ALG6: variants seen among roughly 807,000 people sequenced by gnomAD.
ALG6 encodes dolichyl pyrophosphate Man9GlcNAc2 alpha-1,3-glucosyltransferase.
Under a neutral mutation model 66.6 loss-of-function variants are expected in ALG6, and 46 were observed. The observed-to-expected ratio is 0.69, with a 90% confidence interval of 0.55 to 0.88. The LOEUF (loss-of-function observed/expected upper bound fraction) is 0.88, where lower values mean the gene tolerates loss of function less well. Ranked by LOEUF, ALG6 falls within the 40% of genes least tolerant of loss-of-function variation. The pLI is 0.00. For missense variants in ALG6, 505 were observed against 586.8 expected (o/e 0.86, Z 1.44); for synonymous variants, 185 against 203.7 (o/e 0.91, Z 0.78).
intron 10 of ALG6, 34 bp from the exon 11 acceptor site, chr1:63,415,839 G>A (rs1041108536): frequency 7.1e-7 from 1 of 1,411,944 alleles, no homozygotes. Flanking sequence ...CCTCTACAAA[G>A]AAGACAAATA....
intron 3 of ALG6, among the ~76,000 whole-genome samples, chr1:63,400,179 A>ACT (rs1644440114): frequency 8.4e-6 from 1 of 118,522 alleles, no homozygotes; most frequent in African/African-American, 3.4e-5. Flanking sequence ...GGGCAACAAG[A>ACT]GCAAAACTCT....
At chr1:63,409,027 AC>A (rs1644503770) in intron 7 of ALG6, among the ~76,000 whole-genome samples, 2 of 152,050 alleles carry the variant, frequency 1.3e-5, no homozygotes, top group South Asian at 4.1e-4. Context: ...TGATCCACCC[AC>A]CTTGGCCTCC....
chr1:63,435,974 C>T (rs1644676724), intron 14 of ALG6, among the ~76,000 whole-genome samples: 1 of 152,118 alleles, frequency 6.6e-6, no homozygotes, highest in South Asian at 2.1e-4. Flanking sequence ...GCCAGTGTGA[C>T]TTTGTGATTT....
chr1:63,394,870 CT>C (rs754695008), intron 2 of ALG6, among the ~76,000 whole-genome samples: 373 of 139,294 alleles, frequency 2.7e-3, no homozygotes, highest in Middle Eastern at 3.8e-3. Flanking sequence ...TATTTCTTTT[CT>C]TTTTTTTTTT....
intron 3 of ALG6, among the ~76,000 whole-genome samples, chr1:63,401,961 C>T (rs1369923216): frequency 2.6e-5 from 4 of 152,044 alleles, no homozygotes; most frequent in East Asian, 1.9e-4. Flanking sequence ...ACGAGGCTCT[C>T]GTTACATGTT....
chr1:63,369,881 C>T (rs1024161342), intron 1 of ALG6, among the ~76,000 whole-genome samples: 4 of 151,588 alleles, frequency 2.6e-5, no homozygotes, highest in Non-Finnish European at 5.9e-5. Flanking sequence ...TGCAATGGTG[C>T]GATCTCGGCT....
chr1:63,378,954 T>G (rs1470472468), intron 2 of ALG6, among the ~76,000 whole-genome samples: 1 of 152,000 alleles, frequency 6.6e-6, no homozygotes, highest in Non-Finnish European at 1.5e-5. Context: ...TTTTTAGATC[T>G]TGATCATTTC....
At chr1:63,385,184 C>CTTTTTTTTT (rs1165046824) in intron 2 of ALG6, among the ~76,000 whole-genome samples, 3 of 58,954 alleles carry the variant, frequency 5.1e-5, no homozygotes, top group East Asian at 5.5e-4. Flanking sequence ...TTTACTTCTT[C>CTTTTTTTTT]TTTTTTTTTT....
intron 5 of ALG6, among the ~76,000 whole-genome samples, chr1:63,405,544 G>C (rs1299530736): frequency 6.6e-6 from 1 of 152,072 alleles, no homozygotes; most frequent in Non-Finnish European, 1.5e-5. Flanking sequence ...CTATTCCTTA[G>C]ATGAGCAATT....
chr1:63,379,912 A>G (rs962055696), intron 2 of ALG6, among the ~76,000 whole-genome samples: 5 of 152,030 alleles, frequency 3.3e-5, no homozygotes, highest in African/African-American at 4.8e-5. Flanking sequence ...TAAAAGCTCC[A>G]TAAGTTATTC....
At chr1:63,405,569 A>T (rs1353436834) in intron 5 of ALG6, among the ~76,000 whole-genome samples, 2 of 152,068 alleles carry the variant, frequency 1.3e-5, no homozygotes, top group African/African-American at 4.8e-5. Flanking sequence ...GAATGTGATT[A>T]TGGTTTTGAG....
chr1:63,394,340 C>T (rs1302560680), intron 2 of ALG6, among the ~76,000 whole-genome samples: 2 of 152,110 alleles, frequency 1.3e-5, no homozygotes, highest in Admixed American at 1.3e-4. Context: ...TGGGTGTTTA[C>T]TCTTTACTAA....
intron 2 of ALG6, among the ~76,000 whole-genome samples, chr1:63,375,553 C>T (rs1648097520): frequency 6.6e-6 from 1 of 152,014 alleles, no homozygotes. Context: ...AGCCACCACG[C>T]CTGGCCCATT....
chr1:63,371,158 A>C (rs1647914048), intron 2 of ALG6, 99 bp downstream of exon 2: 1 of 789,036 alleles, frequency 1.3e-6, no homozygotes, highest in South Asian at 1.5e-5. Flanking sequence ...TACAGAGAAG[A>C]ATTTCAGGCC....
intron 3 of ALG6, among the ~76,000 whole-genome samples, chr1:63,400,206 A>AAAT (rs1412046755): frequency 1.4e-4 from 5 of 36,430 alleles, no homozygotes; most frequent in African/African-American, 6.6e-4. Flanking sequence ...AAAAAAAAAA[A>AAAT]ATATATATAT....
Position 63,395,655 on chromosome 1 carries a change from A to G in ALG6, c.83-858A>G, listed in dbSNP as rs141123973. 2.6e-5 allele frequency among the ~76,000 whole-genome samples: 4 copies of G among 152,338 alleles called. No individual in the cohort carries two copies. The East Asian group carries it at 7.7e-4, about 29-fold the overall frequency. On this transcript the variant is annotated intron_variant, in intron 2 of 14. Transcript: ENST00000263440. Reference sequence around the variant, plus strand: ...GGTTGCAGTAAGCTGAGATTGTGCCACTGCACTCCAGCCTGGGTGACAGAG... The same window carrying G: ...GGTTGCAGTAAGCTGAGATTGTGCCGCTGCACTCCAGCCTGGGTGACAGAG...
At chr1:63,424,682 A>G (rs1644605768) in intron 12 of ALG6, among the ~76,000 whole-genome samples, 1 of 152,080 alleles carries the variant, frequency 6.6e-6, no homozygotes, top group Non-Finnish European at 1.5e-5. Flanking sequence ...ACCAGTGCCA[A>G]ACTCAAGGAA....
Position 63,392,001 on chromosome 1 carries a change from GTTATT to G in ALG6, c.83-4503_83-4499del, listed in dbSNP as rs941582671. On this transcript the variant is annotated intron_variant, in intron 2 of 14. Coordinates refer to ENST00000263440, the MANE Select transcript of ALG6 (RefSeq NM_013339.4). The stretch of plus-strand genomic sequence containing the variant: ...AATGGCAACACTTGAGCTGGGGAAA[GTTATT>G]TTATTTTAATAACTTTTTTTTTCCC... 1.1e-4 allele frequency among the ~76,000 whole-genome samples: 16 copies of G among 152,200 alleles called. 1 individual carries two copies. The highest frequency in any genetic ancestry group is 1.8e-4 in the Non-Finnish European group (12 of 68,016).
intron 5 of ALG6, among the ~76,000 whole-genome samples, chr1:63,405,730 T>C (rs1406227916): frequency 2.0e-5 from 3 of 152,042 alleles, no homozygotes; most frequent in Non-Finnish European, 4.4e-5. Flanking sequence ...AAGAAAAAAA[T>C]AAGCTCTTTA....
Sources: gnomAD v4.1 joint callset for allele counts (sites outside exome capture counted in the v4.1 genomes callset) on GRCh38, gnomAD v4.1.1 for gene constraint, MANE v1.5 for transcripts, NCBI Gene and HGNC (gene_info 2026-07-23, HGNC 2026-07-21) for gene names.